Variants in SV2B observed in about 807,000 individuals in gnomAD.
SV2B encodes the protein solute carrier family 22 member B2.
Under a neutral mutation model 73.9 loss-of-function variants are expected in SV2B, and 41 were observed. That is an observed-to-expected ratio of 0.56 (90% CI 0.43 to 0.72). The LOEUF (loss-of-function observed/expected upper bound fraction) is 0.72. Among genes scored for constraint, SV2B ranks in the 30% least tolerant of loss-of-function variants. The pLI is 0.00. For synonymous variants in SV2B, 314 were observed against 314.2 expected, an observed-to-expected ratio of 1.00 and a Z score of 0.01; for missense variants, 764 against 857.8, an observed-to-expected ratio of 0.89 and a Z score of 1.37.
chr15:91,252,486 A>G lies in SV2B; in HGVS notation c.750A>G (p.Ala250=), dbSNP rs776391225. ...GIFWMTGGLY[A]SAMAWSIIPH... ...TCTGGATGACTGGGGGCCTGTACGC[A>G]TCTGCCATGGCCTGGAGCATCATCC... The change falls in exon 4 of 13, where the codon GCA becomes GCG. Residue 250 remains alanine, a synonymous_variant. Coordinates refer to ENST00000394232, the MANE Select transcript of SV2B (RefSeq NM_001323032.3). The surrounding 1 kb of genome is among the most constrained non-coding windows in gnomAD (Gnocchi z 4.6). 6.2e-7 allele frequency: 1 copy of G among 1,613,092 alleles called. No homozygotes were observed. The highest frequency in any genetic ancestry group is 8.5e-7 in the Non-Finnish European group (1 of 1,179,528).
rs1200791811 is a variant in SV2B, at chr15:91,224,061, G to A, written c.-391-1812G>A. Among the ~76,000 whole-genome samples, 1 of 152,232 alleles carries A rather than the reference G, an allele frequency of 6.6e-6. No individual in the cohort carries two copies. The highest frequency in any genetic ancestry group is 1.5e-5 in the Non-Finnish European group (1 of 68,040). On this transcript the variant is annotated intron_variant, in intron 1 of 12. Transcript: ENST00000394232. The surrounding 1 kb of genome is among the most constrained non-coding windows in gnomAD (Gnocchi z 4.9). The stretch of plus-strand genomic sequence containing the variant: ...CAGAAGGAAATGCATTGTATTGTCT[G>A]AGTCAGATGGGTTTCAGTGCTGGAG...
In SV2B at chr15:91,299,195, A is replaced by T. The variant is rs1474224474; in HGVS notation, c.*6643A>T. On this transcript the variant is annotated 3_prime_UTR_variant, in exon 13 of 13. Transcript: ENST00000394232. The stretch of plus-strand genomic sequence containing the variant: ...TATAAATAAAGTGGCTTTCCAGAAA[A>T]ATTAGATATTGGACTCTATCACAAA... The T allele has an allele frequency of 6.6e-6, 1 of 152,172 alleles. No individual in the cohort carries two copies. Among genetic ancestry groups the T allele is most frequent in the Non-Finnish European group, 1.5e-5 (1 of 68,036 alleles). 9.4% of individuals were successfully genotyped at this position (152,172 alleles called of 1,614,324 possible). A position where few individuals can be genotyped will look rare whatever the true frequency, so the allele number is the denominator to read the frequency against.
chr15:91,288,076 TATGTACAGAGCAC>T lies in SV2B; in HGVS notation c.1709-1434_1709-1422del, dbSNP rs1309273224. Among the ~76,000 whole-genome samples the T allele has an allele frequency of 1.3e-5, 2 of 151,908 alleles. No homozygotes were observed. Among genetic ancestry groups the T allele is most frequent in the African/African-American group, 4.8e-5 (2 of 41,350 alleles). ...GTCCATGGGGTTAGCGTGTAGAGGG[TATGTACAGAGCAC>T]ATGTACAGAGGATAGCGCAGGGCTG... On this transcript the variant is annotated intron_variant, in intron 11 of 12. Coordinates refer to ENST00000394232, the MANE Select transcript of SV2B (RefSeq NM_001323032.3). This position sits in a 1 kb window ranked among gnomAD's most constrained non-coding sequence, Gnocchi z 5.8.
At chr15:91,183,890 T>A (rs2044675520) in intron 1 of SV2B, among the ~76,000 whole-genome samples, 1 of 152,188 alleles carries the variant, frequency 6.6e-6, no homozygotes, top group African/African-American at 2.4e-5. Flanking sequence ...GAAAATGTTG[T>A]CATTGTCATC....
intron 1 of SV2B, among the ~76,000 whole-genome samples, chr15:91,193,710 T>A (rs2045134418): frequency 6.6e-6 from 1 of 152,214 alleles, no homozygotes; most frequent in African/African-American, 2.4e-5. Flanking sequence ...TTCATATCTG[T>A]CCATTTATAT....
chr15:91,190,560 G>A (rs1037853599), intron 1 of SV2B, among the ~76,000 whole-genome samples: 1 of 152,064 alleles, frequency 6.6e-6, no homozygotes, highest in Admixed American at 6.6e-5. Context: ...ATTTCATTCT[G>A]TTCTAAGTAT....
chr15:91,109,758 A>G (rs1386808101), intron 1 of SV2B, among the ~76,000 whole-genome samples: 1 of 152,144 alleles, frequency 6.6e-6, no homozygotes, highest in African/African-American at 2.4e-5. Context: ...TTTTTGGTAC[A>G]TGTTCTTGCC....
rs1567387730 is a variant in SV2B at position 91,246,750 on chromosome 15, T to TCCTC, written c.452-5068_452-5067insCTCC. ...TCCTCCTCCTCCTCCTCCTCCTCCT[T>TCCTC]CTTCTCCTCTTCCTCCTTTGCTCTG... is the stretch of plus-strand genomic sequence containing the variant. On this transcript the variant is annotated intron_variant, in intron 2 of 12. Coordinates refer to ENST00000394232, the MANE Select transcript of SV2B (RefSeq NM_001323032.3). Among the ~76,000 whole-genome samples the TCCTC allele has an allele frequency of 2.7e-3, 401 of 148,268 alleles. 2 individuals are homozygous for TCCTC. Among genetic ancestry groups the TCCTC allele is most frequent in the African/African-American group, 9.8e-3 (382 of 38,784 alleles).
chr15:91,155,267 CTT>C (rs1180288766), intron 1 of SV2B, among the ~76,000 whole-genome samples: 6 of 152,112 alleles, frequency 3.9e-5, no homozygotes, highest in Non-Finnish European at 2.9e-5. Flanking sequence ...GAATGGAATC[CTT>C]TTCTGCAGAG....
In SV2B at chr15:91,162,684, C is replaced by G. The variant is rs374048936; in HGVS notation, c.-392+62321C>G. Among the ~76,000 whole-genome samples the G allele has an allele frequency of 2.6e-5, 4 of 152,222 alleles. No homozygotes were observed. In the East Asian group the frequency reaches 5.8e-4, roughly 22 times the overall value. Reference sequence around the variant, plus strand: ...AAAATCAGGTTCCAATCTCATTCTTCTTGTTGGCAGAATTCAGCTCCTTGT... The same window carrying G: ...AAAATCAGGTTCCAATCTCATTCTTGTTGTTGGCAGAATTCAGCTCCTTGT... On this transcript the variant is annotated intron_variant, in intron 1 of 12. Transcript: ENST00000394232.
chr15:91,180,651 C>T lies in SV2B; in HGVS notation c.-391-45222C>T, dbSNP rs533299622. Among the ~76,000 whole-genome samples, 370 of 152,272 alleles carry T rather than the reference C, an allele frequency of 2.4e-3. 2 individuals are homozygous for T. The highest frequency in any genetic ancestry group is 4.1e-3 in the Non-Finnish European group (276 of 68,030). ...GCTTCATTTCATTCATTTCATCTTC[C>T]GTCACTGAAACCCTTTCTTCCAGTT... On this transcript the variant is annotated intron_variant, in intron 1 of 12. Transcript: ENST00000394232.
intron 1 of SV2B, among the ~76,000 whole-genome samples, chr15:91,180,963 G>A (rs1431308524): frequency 6.6e-6 from 1 of 152,222 alleles, no homozygotes; most frequent in Admixed American, 6.5e-5. Context: ...GAGGAGGAGA[G>A]GCGCTCTGCT....
chr15:91,146,692 C>T lies in SV2B; in HGVS notation c.-392+46329C>T, dbSNP rs557088613. Among the ~76,000 whole-genome samples the T allele has an allele frequency of 3.3e-5, 5 of 152,130 alleles. No individual in the cohort carries two copies. In the South Asian group the frequency reaches 1.0e-3, roughly 32 times the overall value. The stretch of plus-strand genomic sequence containing the variant: ...AGTTAGGTATATTTTATTTTTTTGA[C>T]ACCACTAATTCTACTGGGTAAACTC... On this transcript the variant is annotated intron_variant, in intron 1 of 12. Coordinates refer to ENST00000394232, the MANE Select transcript of SV2B (RefSeq NM_001323032.3).
intron 1 of SV2B, among the ~76,000 whole-genome samples, chr15:91,198,311 A>G (rs577712973): frequency 2.0e-5 from 3 of 152,308 alleles, no homozygotes; most frequent in African/African-American, 7.2e-5. Context: ...ATTTCTCAAT[A>G]TACTAACATT....
At chr15:91,199,173 A>T (rs541829750) in intron 1 of SV2B, among the ~76,000 whole-genome samples, 1 of 152,040 alleles carries the variant, frequency 6.6e-6, no homozygotes, top group South Asian at 2.1e-4. Context: ...CTCTATAAAC[A>T]CTTAAAAAAA....
At chr15:91,260,439 G>A in intron 6 of SV2B, 30 bp downstream of exon 6, 2 of 1,557,756 alleles carry the variant, frequency 1.3e-6, no homozygotes, top group East Asian at 2.3e-5. Context: ...CCAATAAGAA[G>A]GGGGTTCTCC....
rs2047205366 is a variant in SV2B at position 91,245,959 on chromosome 15, C to T, written c.452-5860C>T. Among the ~76,000 whole-genome samples, 1 of 151,368 alleles carries T rather than the reference C, an allele frequency of 6.6e-6. No homozygotes were observed. The highest frequency in any genetic ancestry group is 2.4e-5 in the African/African-American group (1 of 41,138). The stretch of plus-strand genomic sequence containing the variant: ...ACATTTTACAAGTAAAATATCTATG[C>T]TCTGTCCCTTTATAGAAAAAGTTGG... On this transcript the variant is annotated intron_variant, in intron 2 of 12. Transcript: ENST00000394232. This position sits in a 1 kb window ranked among gnomAD's most constrained non-coding sequence, Gnocchi z 4.2.
At chr15:91,111,323 G>A (rs1216523261) in intron 1 of SV2B, among the ~76,000 whole-genome samples, 4 of 152,194 alleles carry the variant, frequency 2.6e-5, no homozygotes, top group Non-Finnish European at 5.9e-5. Flanking sequence ...CTGGATTCTT[G>A]AGCAAACTCT....
rs73503165 is a variant in SV2B, at chr15:91,118,054, A to T, written c.-392+17691A>T. Among the ~76,000 whole-genome samples, 2,556 of 152,308 alleles carry T rather than the reference A, an allele frequency of 0.017. 65 individuals carry two copies. The highest frequency in any genetic ancestry group is 0.052 in the African/African-American group (2,175 of 41,564). On this transcript the variant is annotated intron_variant, in intron 1 of 12. Coordinates refer to ENST00000394232, the MANE Select transcript of SV2B (RefSeq NM_001323032.3). This position sits in a 1 kb window ranked among gnomAD's most constrained non-coding sequence, Gnocchi z 4.7. ...CCCCTGGGTCTATGTAAGTAGAGGG[A>T]TTAAAAAAAGTGGGTAGAATTTTTG... is the stretch of plus-strand genomic sequence containing the variant.
Sources: allele counts gnomAD v4.1 joint callset (sites outside exome capture counted in the v4.1 genomes callset), GRCh38; gene constraint gnomAD v4.1.1; non-coding constraint Gnocchi (gnomAD v3.1); transcripts MANE v1.5; gene names NCBI Gene and HGNC (gene_info 2026-07-23, HGNC 2026-07-21).